ABTB2: variants seen among roughly 807,000 people sequenced by gnomAD.
The protein encoded by ABTB2 is ankyrin repeat and BTB domain containing 2, also known as ankyrin repeat and BTB/POZ domain-containing protein 2.
ABTB2 carries 56 observed loss-of-function variants against 104.1 expected under a neutral mutation model. That is an observed-to-expected ratio of 0.54 (90% CI 0.43 to 0.67). The LOEUF (loss-of-function observed/expected upper bound fraction) is 0.67, where lower values mean the gene tolerates loss of function less well. ABTB2 is among the 30% of genes least tolerant of loss of function. ABTB2 has a pLI of 0.00. For synonymous variants in ABTB2, 606 were observed against 608.2 expected (o/e 1.00, Z 0.05); for missense variants, 1,279 against 1,407.7 (o/e 0.91, Z 1.46).
chr11:34,326,382 G>T (rs1590257351), intron 1 of ABTB2, among the ~76,000 whole-genome samples: 1 of 152,132 alleles, frequency 6.6e-6, no homozygotes, highest in Non-Finnish European at 1.5e-5. Context: ...CAACACTTTG[G>T]GGGGCCAAGG....
intron 1 of ABTB2, among the ~76,000 whole-genome samples, chr11:34,246,851 T>C (rs1447215628): frequency 2.7e-5 from 4 of 147,198 alleles, no homozygotes; most frequent in Non-Finnish European, 6.0e-5. Context: ...TTTTTTCTTT[T>C]TTTTTTTTTT....
rs1218128343 is a variant in ABTB2, at chr11:34,167,982, G to A, written c.1574C>T (p.Pro525Leu). 1 of 1,613,986 alleles carries A rather than the reference G, an allele frequency of 6.2e-7. No individual in the cohort carries two copies. The highest frequency in any genetic ancestry group is 8.5e-7 in the Non-Finnish European group (1 of 1,180,024). ...VNTMDDQGMT[P>L]LMYACAAGDE... The stretch of plus-strand genomic sequence containing the variant: ...CCCAGCAGCGCAGGCGTACATCAGT[G>A]GCGTCATACCCTGAGCAAATCAAAT... Residue 525 changes from proline to leucine, a missense_variant, in exon 6 of 17, where the codon CCA (proline) becomes CTA (leucine). Transcript: ENST00000435224.
rs143665756 is a variant in ABTB2, at chr11:34,244,009, A to G, written c.884-39319T>C. 9.2e-3 allele frequency among the ~76,000 whole-genome samples: 1,409 copies of G among 152,334 alleles called. 31 individuals carry two copies. The highest frequency in any genetic ancestry group is 0.031 in the African/African-American group (1,283 of 41,580). On this transcript the variant is annotated intron_variant, in intron 1 of 16. Coordinates refer to ENST00000435224, the MANE Select transcript of ABTB2 (RefSeq NM_145804.3). Reference sequence around the variant, plus strand: ...TCTCTGAAGTCCAGAACTGCAAAACAGCCCCCCGCTGAAATTCACAAACCA... The same window carrying G: ...TCTCTGAAGTCCAGAACTGCAAAACGGCCCCCCGCTGAAATTCACAAACCA...
intron 3 of ABTB2, among the ~76,000 whole-genome samples, chr11:34,186,630 G>A (rs1204306928): frequency 6.6e-6 from 1 of 152,188 alleles, no homozygotes; most frequent in African/African-American, 2.4e-5. Context: ...GAGGACCGGT[G>A]GGTCCAACAA....
intron 1 of ABTB2, among the ~76,000 whole-genome samples, chr11:34,267,285 C>T (rs2611116): frequency 0.053 from 8,011 of 152,114 alleles, 707 homozygotes; most frequent in African/African-American, 0.18. Context: ...TGGGTCACCA[C>T]GGCAGACAGG....
intron 1 of ABTB2, among the ~76,000 whole-genome samples, chr11:34,269,247 T>A (rs936876488): frequency 1.3e-5 from 2 of 152,186 alleles, no homozygotes; most frequent in Admixed American, 6.5e-5. Context: ...GCCTCTAAGC[T>A]GGAGCTCAGA....
rs189643457 is a variant in ABTB2 at position 34,280,034 on chromosome 11, G to C, written c.884-75344C>G. ...GATCCACCTGACTCAGCCTCCGAAA[G>C]TGCTGGGATTACAGGCGTGAGCCAC... On this transcript the variant is annotated intron_variant, in intron 1 of 16. Transcript: ENST00000435224. 1.2e-4 allele frequency among the ~76,000 whole-genome samples: 18 copies of C among 152,192 alleles called. 1 individual carries two copies. The South Asian group carries it at 2.9e-3, about 25-fold the overall frequency.
At chr11:34,181,265 A>C (rs1001055125) in intron 3 of ABTB2, among the ~76,000 whole-genome samples, 12 of 151,900 alleles carry the variant, frequency 7.9e-5, no homozygotes, top group African/African-American at 1.2e-4. Flanking sequence ...AACAAACAAA[A>C]AAAACAACCC....
intron 1 of ABTB2, among the ~76,000 whole-genome samples, chr11:34,222,333 G>C (rs1477893407): frequency 6.6e-6 from 1 of 152,220 alleles, no homozygotes; most frequent in Non-Finnish European, 1.5e-5. Flanking sequence ...ATTAATGCCA[G>C]AGAGGTATAG....
At chr11:34,182,078 G>A (rs1303054494) in intron 3 of ABTB2, among the ~76,000 whole-genome samples, 3 of 152,364 alleles carry the variant, frequency 2.0e-5, no homozygotes, top group Non-Finnish European at 2.9e-5. Flanking sequence ...TCCTAAGCAA[G>A]TGACGGCTCC....
intron 11 of ABTB2, 21 bp from the exon 12 acceptor site, chr11:34,160,374 G>C: frequency 3.8e-6 from 6 of 1,566,648 alleles, no homozygotes; most frequent in Non-Finnish European, 5.3e-6. Context: ...AGGAGAGAGG[G>C]CCTGTGAGCT....
intron 3 of ABTB2, among the ~76,000 whole-genome samples, chr11:34,177,176 T>C (rs936168156): frequency 6.6e-6 from 1 of 152,216 alleles, no homozygotes; most frequent in African/African-American, 2.4e-5. Context: ...AGAGGGCATC[T>C]CCTAGCTGCA....
At chr11:34,211,731 C>T (rs1432325987) in intron 1 of ABTB2, among the ~76,000 whole-genome samples, 1 of 151,258 alleles carries the variant, frequency 6.6e-6, no homozygotes, top group Non-Finnish European at 1.5e-5. Flanking sequence ...ACAAAAATTA[C>T]TACAAAAATT....
At chr11:34,258,373 CTG>C (rs2133073097) in intron 1 of ABTB2, among the ~76,000 whole-genome samples, 1 of 152,204 alleles carries the variant, frequency 6.6e-6, no homozygotes. Context: ...ACCATCACAC[CTG>C]TCTTACAGAT....
Position 34,333,494 on chromosome 11 carries a change from G to A in ABTB2, c.883+23207C>T, listed in dbSNP as rs1443328704. Among the ~76,000 whole-genome samples, 8 of 152,312 alleles carry A rather than the reference G, an allele frequency of 5.3e-5. No individual in the cohort carries two copies. The East Asian group carries it at 1.5e-3, about 29-fold the overall frequency. On this transcript the variant is annotated intron_variant, in intron 1 of 16. Coordinates refer to ENST00000435224, the MANE Select transcript of ABTB2 (RefSeq NM_145804.3). ...AAACAGGCTGGGTATGGTGGCTCAA[G>A]CCTGTAATTCCAGCACTTTGGGAGG...
At chr11:34,162,835 G>A (rs1852742274) in intron 9 of ABTB2, 30 bp from the exon 10 acceptor site, 14 of 1,570,542 alleles carry the variant, frequency 8.9e-6, no homozygotes, top group Non-Finnish European at 1.2e-5. Flanking sequence ...TGAAGGTGAG[G>A]GCTGAAGTCC....
chr11:34,357,688 C>G lies in ABTB2; in HGVS notation c.-105G>C. On this transcript the variant is annotated 5_prime_UTR_variant, in exon 1 of 17. Coordinates refer to ENST00000435224, the MANE Select transcript of ABTB2 (RefSeq NM_145804.3). Reference sequence around the variant, plus strand: ...AGCTCTAGGCCCTCCGGGCCACCCTCCTTCCTCTCTGCGTCGCGGGGCTCG... The same window carrying G: ...AGCTCTAGGCCCTCCGGGCCACCCTGCTTCCTCTCTGCGTCGCGGGGCTCG... 8.2e-7 allele frequency: 1 copy of G among 1,218,530 alleles called. No individual in the cohort carries two copies. The highest frequency in any genetic ancestry group is 1.1e-6 in the Non-Finnish European group (1 of 941,878). 75.5% of individuals were successfully genotyped at this position (1,218,530 alleles called of 1,614,324 possible). A position where few individuals can be genotyped will look rare whatever the true frequency, so the allele number is the denominator to read the frequency against.
intron 3 of ABTB2, among the ~76,000 whole-genome samples, chr11:34,179,439 G>A (rs920332928): frequency 4.6e-5 from 7 of 152,178 alleles, no homozygotes; most frequent in Non-Finnish European, 8.8e-5. Flanking sequence ...GACAAAGCTG[G>A]TAGGGGCTGG....
In ABTB2 at chr11:34,293,591, A is replaced by C. The variant is rs190302303; in HGVS notation, c.883+63110T>G. On this transcript the variant is annotated intron_variant, in intron 1 of 16. Transcript: ENST00000435224. ...CGCCAAGTGCAGGAACTGTTCCGGG[A>C]AGGAATAAGTGCCCAGCTGTGTCAA... 3.9e-5 allele frequency among the ~76,000 whole-genome samples: 6 copies of C among 152,324 alleles called. No individual in the cohort carries two copies. The East Asian group carries it at 1.2e-3, about 29-fold the overall frequency.
Sources: gnomAD v4.1 joint callset for allele counts (sites outside exome capture counted in the v4.1 genomes callset) on GRCh38, gnomAD v4.1.1 for gene constraint, MANE v1.5 for transcripts, NCBI Gene and HGNC (gene_info 2026-07-23, HGNC 2026-07-21) for gene names.